CTNNBL1: variants seen among roughly 807,000 people sequenced by gnomAD.
The protein encoded by CTNNBL1 is catenin beta like 1, also known as beta-catenin-like protein 1.
A neutral mutation model predicts 72.7 loss-of-function variants in CTNNBL1; 31 were observed. The ratio of observed to expected loss-of-function variants is 0.43; its 90% confidence interval spans 0.32 to 0.58. CTNNBL1 has a LOEUF of 0.58. Among genes scored for constraint, CTNNBL1 ranks in the 20% least tolerant of loss-of-function variants. The pLI is 0.08. For synonymous variants in CTNNBL1, 240 were observed against 267.3 expected (o/e 0.90, Z 1.00); for missense variants, 534 against 725.1 (o/e 0.74, Z 3.03).
chr20:37,731,083 G>T (rs2073123881), intron 1 of CTNNBL1, among the ~76,000 whole-genome samples: 1 of 152,104 alleles, frequency 6.6e-6, no homozygotes, highest in Non-Finnish European at 1.5e-5. Context: ...ATTACATCAG[G>T]CTAATTAACA....
intron 11 of CTNNBL1, among the ~76,000 whole-genome samples, chr20:37,822,252 C>G (rs980444769): frequency 6.6e-6 from 1 of 152,158 alleles, no homozygotes; most frequent in African/African-American, 2.4e-5. Flanking sequence ...CTTCCCTGAA[C>G]AGAGAAGATG....
At position 37,856,073 on chromosome 20, in the gene CTNNBL1, CTAAAAATACAAA is replaced by C. The variant is rs1345564225; in HGVS notation, c.1393-3825_1393-3814del. 2.6e-5 allele frequency among the ~76,000 whole-genome samples: 4 copies of C among 152,106 alleles called. No homozygotes were observed. The East Asian group carries it at 7.7e-4, about 29-fold the overall frequency. The stretch of plus-strand genomic sequence containing the variant: ...CCAACATGGTGAAACCACATCTCTA[CTAAAAATACAAA>C]AATTAGCTGGGTGTGGTGGCAGGCA... On this transcript the variant is annotated intron_variant, in intron 13 of 15. Coordinates refer to ENST00000361383, the MANE Select transcript of CTNNBL1 (RefSeq NM_030877.5).
chr20:37,709,310 T>C (rs925002722), intron 1 of CTNNBL1, among the ~76,000 whole-genome samples: 1 of 152,210 alleles, frequency 6.6e-6, no homozygotes, highest in Non-Finnish European at 1.5e-5. Flanking sequence ...CATGTGCTCA[T>C]TCTGTTAATA....
At chr20:37,782,583 C>T (rs905717268) in intron 10 of CTNNBL1, among the ~76,000 whole-genome samples, 1 of 152,000 alleles carries the variant, frequency 6.6e-6, no homozygotes, top group Non-Finnish European at 1.5e-5. Context: ...TAGTAGCTAC[C>T]ACATTTAAAG....
chr20:37,734,557 G>A (rs2073156439), intron 2 of CTNNBL1, among the ~76,000 whole-genome samples: 1 of 152,146 alleles, frequency 6.6e-6, no homozygotes, highest in Non-Finnish European at 1.5e-5. Context: ...ATGTAATGTG[G>A]GACCAACCCG....
intron 11 of CTNNBL1, among the ~76,000 whole-genome samples, chr20:37,834,218 C>G (rs1391451030): frequency 6.6e-6 from 1 of 152,124 alleles, no homozygotes; most frequent in Non-Finnish European, 1.5e-5. Context: ...CTCTGTGCCA[C>G]CAGCACCCAG....
chr20:37,787,350 T>G (rs1418810788), intron 10 of CTNNBL1, among the ~76,000 whole-genome samples: 2 of 147,908 alleles, frequency 1.4e-5, no homozygotes, highest in African/African-American at 2.5e-5. Context: ...TGTGTTTTTT[T>G]TTTTTTTTTT....
chr20:37,732,222 T>A (rs538262649), intron 1 of CTNNBL1, among the ~76,000 whole-genome samples: 1 of 152,354 alleles, frequency 6.6e-6, no homozygotes, highest in Admixed American at 6.5e-5. Context: ...TTGAGAAGTG[T>A]CTATTTAGGT....
At chr20:37,844,761 ACAAAG>A (rs1277121161) in intron 13 of CTNNBL1, among the ~76,000 whole-genome samples, 5 of 152,162 alleles carry the variant, frequency 3.3e-5, no homozygotes, top group Non-Finnish European at 5.9e-5. Flanking sequence ...AGCCTGGCCG[ACAAAG>A]CAAAACCCCC....
intron 11 of CTNNBL1, among the ~76,000 whole-genome samples, chr20:37,820,950 A>G (rs1005177821): frequency 5.9e-5 from 9 of 152,116 alleles, no homozygotes; most frequent in African/African-American, 2.2e-4. Context: ...CTAGGGTAAA[A>G]TCTAGACTTT....
intron 7 of CTNNBL1, among the ~76,000 whole-genome samples, chr20:37,772,541 G>C (rs571829660): frequency 6.6e-6 from 1 of 152,126 alleles, no homozygotes; most frequent in African/African-American, 2.4e-5. Flanking sequence ...GTAGAGATGG[G>C]GTTTCACCGT....
intron 15 of CTNNBL1, among the ~76,000 whole-genome samples, chr20:37,866,952 T>G (rs4811244): frequency 0.75 from 113,551 of 151,526 alleles, 42,690 homozygotes; most frequent in East Asian, 0.85. Context: ...GGGTGGGTGG[T>G]TGTCAGTGGG....
intron 13 of CTNNBL1, among the ~76,000 whole-genome samples, chr20:37,844,065 G>A (rs1379272762): frequency 1.3e-5 from 2 of 152,146 alleles, no homozygotes; most frequent in African/African-American, 4.8e-5. Context: ...AGGACACTCA[G>A]TGGTTGTTAA....
chr20:37,829,544 A>G (rs1232586312), intron 11 of CTNNBL1, among the ~76,000 whole-genome samples: 8 of 152,250 alleles, frequency 5.3e-5, no homozygotes, highest in African/African-American at 1.9e-4. Context: ...TCTGCACCCC[A>G]TCTTTCCAAC....
chr20:37,778,989 C>CTT (rs376278870), intron 9 of CTNNBL1, among the ~76,000 whole-genome samples, 198 bp from the exon 10 acceptor site: 5 of 143,966 alleles, frequency 3.5e-5, no homozygotes, highest in African/African-American at 1.3e-4. Context: ...AGTGTTTTGG[C>CTT]TTTTTTTTTT....
chr20:37,776,920 T>C (rs544552382), intron 7 of CTNNBL1, among the ~76,000 whole-genome samples: 2 of 152,350 alleles, frequency 1.3e-5, no homozygotes, highest in South Asian at 4.1e-4. Flanking sequence ...CAAGAATTGC[T>C]TTCTTCTCTG....
chr20:37,860,052 C>A lies in CTNNBL1; in HGVS notation c.1530+16C>A. 6.2e-7 allele frequency: 1 copy of A among 1,613,736 alleles called. No individual in the cohort carries two copies. Among genetic ancestry groups the A allele is most frequent in the Non-Finnish European group, 8.5e-7 (1 of 1,179,796 alleles). On this transcript the variant is annotated intron_variant, in intron 14 of 15. Coordinates refer to ENST00000361383, the MANE Select transcript of CTNNBL1 (RefSeq NM_030877.5). ...TGTCCCCCAGGTAGGAGGGTCTTCC[C>A]CTGGATGGGCTTATCCATCCCTGCC...
At chr20:37,725,401 A>G (rs1330678160) in intron 1 of CTNNBL1, among the ~76,000 whole-genome samples, 1 of 150,206 alleles carries the variant, frequency 6.7e-6, no homozygotes. Context: ...AGTTCTAGCA[A>G]CTCTCCTGCC....
chr20:37,749,187 A>T (rs1382210166), intron 4 of CTNNBL1, among the ~76,000 whole-genome samples: 1 of 152,204 alleles, frequency 6.6e-6, no homozygotes, highest in African/African-American at 2.4e-5. Context: ...TGTGGGATTT[A>T]CGACATTGCT....
Sources: gnomAD v4.1 joint callset for allele counts (sites outside exome capture counted in the v4.1 genomes callset) on GRCh38, gnomAD v4.1.1 for gene constraint, MANE v1.5 for transcripts, NCBI Gene and HGNC (gene_info 2026-07-23, HGNC 2026-07-21) for gene names.